The following G2E3 variants were observed in gnomAD, a reference collection of about 807,000 sequenced individuals.
G2E3 encodes the protein G2/M phase-specific E3 ubiquitin-protein ligase.
G2E3 carries 35 observed loss-of-function variants against 92.8 expected under a neutral mutation model. The ratio of observed to expected loss-of-function variants is 0.38; its 90% CI spans 0.29 to 0.50. G2E3 has a LOEUF of 0.50. Ranked by LOEUF, G2E3 falls within the 20% of genes least tolerant of loss-of-function variation. The pLI is 0.94. For missense variants in G2E3, 554 were observed against 823.8 expected, an observed-to-expected ratio of 0.67 and a Z score of 4.01; for synonymous variants, 242 against 272.4, an observed-to-expected ratio of 0.89 and a Z score of 1.10.
chr14:30,567,597 A>AT, intron 1 of G2E3, among the ~76,000 whole-genome samples: 1 of 151,978 alleles, frequency 6.6e-6, no homozygotes, highest in Admixed American at 6.5e-5. Flanking sequence ...TTCTCAAGCA[A>AT]TTTTTATTTT....
chr14:30,612,062 A>G, intron 12 of G2E3, 145 bp from the exon 13 acceptor site: 1 of 599,080 alleles, frequency 1.7e-6, no homozygotes, highest in Non-Finnish European at 3.0e-6. Flanking sequence ...TCAGACATTT[A>G]TTCTAGAAGA....
At chr14:30,609,262 A>G (rs1402454859) in intron 12 of G2E3, among the ~76,000 whole-genome samples, 1 of 152,048 alleles carries the variant, frequency 6.6e-6, no homozygotes, top group African/African-American at 2.4e-5. Context: ...TTTAAGCTTC[A>G]TTGTCTCTAC....
chr14:30,592,844 G>C (rs1444166366), intron 5 of G2E3, among the ~76,000 whole-genome samples: 1 of 152,070 alleles, frequency 6.6e-6, no homozygotes, highest in Admixed American at 6.6e-5. Flanking sequence ...AAATTTGATT[G>C]AGTACACAAA....
At chr14:30,594,468 T>G (rs562455651) in intron 6 of G2E3, among the ~76,000 whole-genome samples, 1 of 151,984 alleles carries the variant, frequency 6.6e-6, no homozygotes, top group African/African-American at 2.4e-5. Context: ...GGAGGGTGGA[T>G]CACGAGGTCA....
chr14:30,616,183 T>A, intron 14 of G2E3, 95 bp from the exon 15 acceptor site: 1 of 831,626 alleles, frequency 1.2e-6, no homozygotes, highest in Non-Finnish European at 2.0e-6. Context: ...CTTTCAGTAT[T>A]CCAAGTCTAT....
In G2E3 at chr14:30,592,389, TATC is replaced by T; in HGVS notation, c.307_309del (p.His103del). 1.9e-6 allele frequency: 3 copies of T among 1,607,908 alleles called. No homozygotes were observed. The highest frequency in any genetic ancestry group is 2.5e-6 in the Non-Finnish European group (3 of 1,177,406). On this transcript the variant is annotated inframe_deletion, in exon 5 of 15. Coordinates refer to ENST00000206595, the MANE Select transcript of G2E3 (RefSeq NM_017769.5). ...TGTTGCACCCCGATGTAAACGAAGT[TATC>T]ATTTCCCATGTGGACTTCAGAGAGA... is the stretch of plus-strand genomic sequence containing the variant.
At chr14:30,613,711 A>T (rs1190993838) in intron 13 of G2E3, among the ~76,000 whole-genome samples, 10 of 150,914 alleles carry the variant, frequency 6.6e-5, no homozygotes, top group African/African-American at 4.9e-5. Flanking sequence ...TTTTTTTTTA[A>T]AATCAAACTT....
At chr14:30,583,722 C>G (rs748706647) in intron 2 of G2E3, among the ~76,000 whole-genome samples, 1 of 152,070 alleles carries the variant, frequency 6.6e-6, no homozygotes, top group Non-Finnish European at 1.5e-5. Context: ...TTTAGCTGTT[C>G]CACAATATGT....
chr14:30,587,593 G>C (rs998966418), intron 3 of G2E3, among the ~76,000 whole-genome samples: 1 of 152,216 alleles, frequency 6.6e-6, no homozygotes, highest in Non-Finnish European at 1.5e-5. Context: ...TTATCATTGA[G>C]ATGTCAGATT....
intron 5 of G2E3, among the ~76,000 whole-genome samples, chr14:30,592,943 G>A (rs1025767426): frequency 6.6e-6 from 1 of 151,972 alleles, no homozygotes; most frequent in East Asian, 1.9e-4. Flanking sequence ...TTGACTTTTG[G>A]TATCATAAGT....
chr14:30,566,915 T>G (rs1388403621), intron 1 of G2E3, among the ~76,000 whole-genome samples: 1 of 152,214 alleles, frequency 6.6e-6, no homozygotes, highest in Non-Finnish European at 1.5e-5. Context: ...TGTCAAATGC[T>G]TTTTCTGCAT....
rs1049334692 is a variant in G2E3, at chr14:30,610,337, C to T, written c.1501-1870C>T. 6.8e-4 allele frequency among the ~76,000 whole-genome samples: 104 copies of T among 152,080 alleles called. 1 individual carries two copies. The highest frequency in any genetic ancestry group is 6.7e-3 in the Admixed American group (103 of 15,264). ...AATGCTAAATAAAACAGAATATGGC[C>T]GGGCGCAGTGGGTCACGCCTGTAAT... On this transcript the variant is annotated intron_variant, in intron 12 of 14. Transcript: ENST00000206595.
At position 30,577,179 on chromosome 14, in the gene G2E3, T is replaced by C. The variant is rs1880150090; in HGVS notation, c.-4-3897T>C. Among the ~76,000 whole-genome samples the C allele has an allele frequency of 3.6e-5, 5 of 140,180 alleles. No individual in the cohort carries two copies. In the Admixed American group the frequency reaches 3.9e-4, roughly 11 times the overall value. 92.0% of individuals were successfully genotyped at this position (140,180 alleles called of 152,430 possible). The stretch of plus-strand genomic sequence containing the variant: ...GGCGGAGGTTGCAGTGAGCCGAGAT[T>C]GCGTCACTGCAATCCAGCCTAGCAA... On this transcript the variant is annotated intron_variant, in intron 1 of 14. Coordinates refer to ENST00000206595, the MANE Select transcript of G2E3 (RefSeq NM_017769.5).
At chr14:30,613,886 T>A (rs1280131646) in intron 13 of G2E3, among the ~76,000 whole-genome samples, 1 of 152,160 alleles carries the variant, frequency 6.6e-6, no homozygotes, top group East Asian at 1.9e-4. Context: ...TTATTCCACA[T>A]TTCATAACCA....
At chr14:30,574,122 T>C (rs542627490) in intron 1 of G2E3, among the ~76,000 whole-genome samples, 1 of 152,310 alleles carries the variant, frequency 6.6e-6, no homozygotes, top group East Asian at 1.9e-4. Flanking sequence ...TCCTGCAGTA[T>C]TGTACATTTG....
chr14:30,613,403 A>G (rs1022347184), intron 13 of G2E3, among the ~76,000 whole-genome samples: 1 of 152,298 alleles, frequency 6.6e-6, no homozygotes, highest in South Asian at 2.1e-4. Context: ...ACTGAAGTTT[A>G]TATGTCTTGG....
intron 1 of G2E3, among the ~76,000 whole-genome samples, chr14:30,579,408 C>T (rs1226105464): frequency 6.6e-6 from 1 of 152,116 alleles, no homozygotes; most frequent in Non-Finnish European, 1.5e-5. Flanking sequence ...GAGATTTGAA[C>T]TATGACTTTT....
At chr14:30,582,638 A>G (rs537795598) in intron 2 of G2E3, among the ~76,000 whole-genome samples, 1 of 152,344 alleles carries the variant, frequency 6.6e-6, no homozygotes, top group Admixed American at 6.5e-5. Context: ...GTAAAAGTGT[A>G]GGTATTGGGG....
At chr14:30,564,273 C>G (rs1029662330) in intron 1 of G2E3, among the ~76,000 whole-genome samples, 87 of 152,294 alleles carry the variant, frequency 5.7e-4, no homozygotes, top group African/African-American at 1.5e-3. Flanking sequence ...CCTTATTTCT[C>G]TTGGCTGCAT....
Sources: allele counts gnomAD v4.1 joint callset (sites outside exome capture counted in the v4.1 genomes callset), GRCh38; gene constraint gnomAD v4.1.1; transcripts MANE v1.5; gene names NCBI Gene and HGNC (gene_info 2026-07-23, HGNC 2026-07-21).